Variants in PKIA observed in about 807,000 individuals in gnomAD.
The protein encoded by PKIA is cAMP-dependent protein kinase inhibitor alpha.
A neutral mutation model predicts 7.6 loss-of-function variants in PKIA; 4 were observed. The ratio of observed to expected loss-of-function variants is 0.52; its 90% CI spans 0.26 to 1.20. PKIA has a LOEUF of 1.20. PKIA is among the 50% of genes most tolerant of loss of function. The pLI, the probability that PKIA is intolerant of heterozygous loss-of-function variation, is 0.13. For missense variants in PKIA, 73 were observed against 86.2 expected (o/e 0.85, Z 0.61); for synonymous variants, 21 against 30.7 (o/e 0.68, Z 1.04).
At chr8:78,551,852 G>A (rs1393020175) in intron 1 of PKIA, among the ~76,000 whole-genome samples, 1 of 151,894 alleles carries the variant, frequency 6.6e-6, no homozygotes, top group Non-Finnish European at 1.5e-5. Context: ...TGTTTCCTTG[G>A]TTTTATTATC....
chr8:78,519,112 A>G (rs1326226555), intron 1 of PKIA, among the ~76,000 whole-genome samples: 2 of 152,238 alleles, frequency 1.3e-5, no homozygotes, highest in East Asian at 3.9e-4. Flanking sequence ...TAGATACTAA[A>G]TGAACTGCAG....
intron 2 of PKIA, among the ~76,000 whole-genome samples, chr8:78,580,194 T>G (rs1445913699): frequency 6.6e-6 from 1 of 152,088 alleles, no homozygotes; most frequent in Non-Finnish European, 1.5e-5. Flanking sequence ...CACATATTGC[T>G]ATAAAATGAT....
intron 1 of PKIA, among the ~76,000 whole-genome samples, chr8:78,545,339 TA>T (rs916372693): frequency 2.0e-5 from 3 of 152,098 alleles, no homozygotes; most frequent in Non-Finnish European, 4.4e-5. Context: ...GAGATAGAAA[TA>T]CCATTGTCAT....
At chr8:78,539,284 G>A (rs1357542165) in intron 1 of PKIA, among the ~76,000 whole-genome samples, 2 of 152,076 alleles carry the variant, frequency 1.3e-5, no homozygotes, top group African/African-American at 4.8e-5. Context: ...AGGTGAGGCT[G>A]AGAACCCTGT....
intron 2 of PKIA, among the ~76,000 whole-genome samples, chr8:78,588,759 A>G (rs1808020802): frequency 6.6e-6 from 1 of 152,156 alleles, no homozygotes; most frequent in Admixed American, 6.5e-5. Context: ...AAAGCAGTGT[A>G]GAGGAAGCAG....
At chr8:78,533,443 G>A (rs1485394881) in intron 1 of PKIA, among the ~76,000 whole-genome samples, 1 of 152,084 alleles carries the variant, frequency 6.6e-6, no homozygotes, top group African/African-American at 2.4e-5. Flanking sequence ...TATTTATTAT[G>A]TACCTTATTT....
intron 2 of PKIA, among the ~76,000 whole-genome samples, chr8:78,592,511 T>G (rs1808126260): frequency 6.6e-6 from 1 of 152,156 alleles, no homozygotes; most frequent in Admixed American, 6.5e-5. Flanking sequence ...ACAGGAATAA[T>G]CTCTTCTCAC....
At chr8:78,540,081 TAA>T (rs561328503) in intron 1 of PKIA, among the ~76,000 whole-genome samples, 8 of 129,044 alleles carry the variant, frequency 6.2e-5, no homozygotes, top group African/African-American at 1.1e-4. Context: ...AGAAATGAAG[TAA>T]AAAAAAAAAA....
chr8:78,517,714 C>T (rs1809342448), intron 1 of PKIA, among the ~76,000 whole-genome samples: 1 of 152,152 alleles, frequency 6.6e-6, no homozygotes, highest in Non-Finnish European at 1.5e-5. Flanking sequence ...TGCTACTGAG[C>T]CCAAGTGCCT....
rs548899497 is a variant in PKIA at position 78,534,014 on chromosome 8, C to A, written c.-157+17546C>A. ...ACTTCAGCTGAACTTTTACTTAAAACAAGCAAGTGTTTATTCAAACCAAGC... is the reference window on the plus strand; with the variant it reads ...ACTTCAGCTGAACTTTTACTTAAAAAAAGCAAGTGTTTATTCAAACCAAGC... On this transcript the variant is annotated intron_variant, in intron 1 of 3. Coordinates refer to ENST00000396418, the MANE Select transcript of PKIA (RefSeq NM_006823.4). 2.0e-5 allele frequency: 3 copies of A among 152,192 alleles called. No homozygotes were observed. In the South Asian group the frequency reaches 6.2e-4, roughly 32 times the overall value. 9.4% of individuals were successfully genotyped at this position (152,192 alleles called of 1,614,324 possible).
intron 2 of PKIA, among the ~76,000 whole-genome samples, chr8:78,585,282 C>T (rs1807923009): frequency 6.6e-6 from 1 of 151,890 alleles, no homozygotes; most frequent in Non-Finnish European, 1.5e-5. Context: ...CTTATTTACA[C>T]TTACATTTAA....
intron 1 of PKIA, among the ~76,000 whole-genome samples, chr8:78,533,620 A>G (rs2118371095): frequency 6.6e-6 from 1 of 152,162 alleles, no homozygotes; most frequent in Middle Eastern, 3.4e-3. Context: ...ACTTTAGAAG[A>G]CTGAGATGGA....
At chr8:78,524,048 A>ATATATATAAACATTTATATT (rs1809482566) in intron 1 of PKIA, among the ~76,000 whole-genome samples, 1 of 131,726 alleles carries the variant, frequency 7.6e-6, no homozygotes, top group Non-Finnish European at 1.6e-5. Flanking sequence ...ATATATATAA[A>ATATATATAAACATTTATATT]TATATATAAA....
At chr8:78,520,748 C>T (rs558778956) in intron 1 of PKIA, among the ~76,000 whole-genome samples, 15 of 152,304 alleles carry the variant, frequency 9.8e-5, no homozygotes, top group Non-Finnish European at 1.8e-4. Context: ...TCCCCAAGTA[C>T]ATACAGAAGC....
At chr8:78,545,079 C>T (rs1047373959) in intron 1 of PKIA, among the ~76,000 whole-genome samples, 3 of 151,880 alleles carry the variant, frequency 2.0e-5, no homozygotes, top group Non-Finnish European at 2.9e-5. Flanking sequence ...TCTATAATTG[C>T]AACTAAGTAA....
At chr8:78,519,954 CTT>C (rs1053152919) in intron 1 of PKIA, among the ~76,000 whole-genome samples, 3 of 152,172 alleles carry the variant, frequency 2.0e-5, no homozygotes, top group African/African-American at 7.2e-5. Flanking sequence ...GTGCCCCTCT[CTT>C]GTTTAAATTC....
intron 1 of PKIA, among the ~76,000 whole-genome samples, chr8:78,525,614 T>C (rs1255454805): frequency 1.3e-5 from 2 of 152,056 alleles, no homozygotes; most frequent in African/African-American, 4.8e-5. Context: ...AAAATGGCAT[T>C]ACGGTGTTAT....
chr8:78,575,162 A>G (rs1585912199), intron 2 of PKIA, among the ~76,000 whole-genome samples: 1 of 151,978 alleles, frequency 6.6e-6, no homozygotes, highest in African/African-American at 2.4e-5. Flanking sequence ...AATCTGTTAT[A>G]TGTAAGTTAT....
chr8:78,560,094 A>G (rs1019215672), intron 1 of PKIA, among the ~76,000 whole-genome samples: 4 of 152,228 alleles, frequency 2.6e-5, no homozygotes, highest in Non-Finnish European at 5.9e-5. Flanking sequence ...TAGCTGGTAC[A>G]CAAATCATTT....
Sources: allele counts gnomAD v4.1 joint callset (sites outside exome capture counted in the v4.1 genomes callset), GRCh38; gene constraint gnomAD v4.1.1; transcripts MANE v1.5; gene names NCBI Gene and HGNC (gene_info 2026-07-23, HGNC 2026-07-21).